EEFSEC: variants seen among roughly 807,000 people sequenced by gnomAD.
EEFSEC encodes the protein eukaryotic elongation factor, selenocysteine-tRNA specific, also known as selenocysteine-specific elongation factor.
A neutral mutation model predicts 42.1 loss-of-function variants in EEFSEC; 43 were observed. That is an observed-to-expected ratio of 1.02 (90% CI 0.80 to 1.32). The LOEUF (loss-of-function observed/expected upper bound fraction) is 1.32. Ranked by LOEUF, EEFSEC falls within the 40% of genes most tolerant of loss-of-function variation. The pLI is 0.00. For missense variants in EEFSEC, 745 were observed against 803.6 expected, an observed-to-expected ratio of 0.93 and a Z score of 0.88; for synonymous variants, 354 against 339.1, an observed-to-expected ratio of 1.04 and a Z score of -0.48.
At chr3:128,310,814 G>GTAGT (rs1302556886) in intron 4 of EEFSEC, among the ~76,000 whole-genome samples, 1 of 152,238 alleles carries the variant, frequency 6.6e-6, no homozygotes, top group Non-Finnish European at 1.5e-5. Context: ...CTGGAGGTCA[G>GTAGT]GCCCCTGTGC....
At chr3:128,230,030 T>C (rs1385788827) in intron 1 of EEFSEC, among the ~76,000 whole-genome samples, 5 of 151,998 alleles carry the variant, frequency 3.3e-5, no homozygotes, top group African/African-American at 4.8e-5. Flanking sequence ...CTTTTTCTTT[T>C]CTTTTCTTTT....
chr3:128,254,890 T>C (rs2066225971), intron 2 of EEFSEC, among the ~76,000 whole-genome samples: 1 of 152,038 alleles, frequency 6.6e-6, no homozygotes, highest in African/African-American at 2.4e-5. Flanking sequence ...GAGAAGAGCC[T>C]GACCCAGAGT....
At chr3:128,420,711 G>A in the EEFSEC span, among the ~76,000 whole-genome samples, 7 of 152,176 alleles carry the variant, frequency 4.6e-5, no homozygotes, top group Admixed American at 3.3e-4. Context: ...GGACAGTACC[G>A]GAGGGGAGAA....
At chr3:128,160,741 C>G (rs1318210807) in intron 1 of EEFSEC, among the ~76,000 whole-genome samples, 2 of 152,140 alleles carry the variant, frequency 1.3e-5, no homozygotes, top group East Asian at 3.9e-4. Flanking sequence ...GATGATATCT[C>G]TGAAGTTTAA....
rs142981012 is a variant in EEFSEC, at chr3:128,287,000, A to G, written c.786+22219A>G. 3.0e-3 allele frequency among the ~76,000 whole-genome samples: 458 copies of G among 152,274 alleles called. 1 individual carries two copies. Among genetic ancestry groups the G allele is most frequent in the Non-Finnish European group, 5.6e-3 (384 of 68,028 alleles). On this transcript the variant is annotated intron_variant, in intron 4 of 6. Coordinates refer to ENST00000254730, the MANE Select transcript of EEFSEC (RefSeq NM_021937.5). The stretch of plus-strand genomic sequence containing the variant: ...ATGATGTTTGGCTCCTGTCACCAGC[A>G]TTCACTCACTTATTTGTTCCATCAC...
intron 6 of EEFSEC, among the ~76,000 whole-genome samples, chr3:128,394,541 A>G (rs1399031931): frequency 6.6e-6 from 1 of 152,160 alleles, no homozygotes; most frequent in Non-Finnish European, 1.5e-5. Flanking sequence ...AATAAGCTCT[A>G]CCTTTTAAAC....
intron 1 of EEFSEC, among the ~76,000 whole-genome samples, chr3:128,159,487 A>G (rs2999047): frequency 0.13 from 20,362 of 152,090 alleles, 1,608 homozygotes; most frequent in Admixed American, 0.2. Flanking sequence ...TCCTTTTACA[A>G]GTGTTCATCA....
At chr3:128,166,814 C>G (rs954144864) in intron 1 of EEFSEC, among the ~76,000 whole-genome samples, 11 of 152,084 alleles carry the variant, frequency 7.2e-5, no homozygotes, top group Non-Finnish European at 1.6e-4. Flanking sequence ...CTTTGCATTT[C>G]CCATCACCAC....
At chr3:128,376,227 A>T (rs993627557) in intron 6 of EEFSEC, among the ~76,000 whole-genome samples, 5 of 152,052 alleles carry the variant, frequency 3.3e-5, no homozygotes, top group African/African-American at 1.2e-4. Flanking sequence ...GGCACCAAGG[A>T]TGCACCCTTT....
At position 128,341,890 on chromosome 3, in the gene EEFSEC, G is replaced by A; in HGVS notation, c.1443+1G>A. ...GCACAAGCATGGCCTTGTGGAGCGG[G>A]TGAGCATGCCCTTGCCTGGCCCCAC... is the stretch of plus-strand genomic sequence containing the variant. On this transcript the variant is annotated splice_donor_variant, in intron 5 of 6. Coordinates refer to ENST00000254730, the MANE Select transcript of EEFSEC (RefSeq NM_021937.5). LOFTEE classifies it high-confidence loss of function. The A allele has an allele frequency of 6.2e-7, 1 of 1,611,260 alleles. No individual in the cohort carries two copies. Among genetic ancestry groups the A allele is most frequent in the Non-Finnish European group, 8.5e-7 (1 of 1,178,634 alleles).
chr3:128,313,749 A>G (rs1465016884), intron 4 of EEFSEC, among the ~76,000 whole-genome samples: 1 of 152,240 alleles, frequency 6.6e-6, no homozygotes, highest in Non-Finnish European at 1.5e-5. Flanking sequence ...ATGTGGACAT[A>G]TATGAATGTA....
At chr3:128,408,851 A>G (rs9681231), downstream of EEFSEC, among the ~76,000 whole-genome samples, 10,537 of 152,262 alleles carry the variant, frequency 0.069, 398 homozygotes, top group Middle Eastern at 0.092. Context: ...CTGGGCCTTC[A>G]GGGAGAATGG....
intron 1 of EEFSEC, among the ~76,000 whole-genome samples, chr3:128,183,926 A>G (rs982012463): frequency 6.6e-6 from 1 of 152,216 alleles, no homozygotes; most frequent in Non-Finnish European, 1.5e-5. Flanking sequence ...CTGTGAAAAC[A>G]TGCTTTTTGC....
intron 4 of EEFSEC, among the ~76,000 whole-genome samples, chr3:128,315,924 A>G (rs59750344): frequency 0.028 from 4,297 of 152,306 alleles, 189 homozygotes; most frequent in African/African-American, 0.094. Context: ...CCACTGTTTC[A>G]TATGTCCTCA....
intron 4 of EEFSEC, among the ~76,000 whole-genome samples, chr3:128,332,482 C>T (rs918219932): frequency 5.3e-5 from 8 of 152,340 alleles, no homozygotes; most frequent in African/African-American, 1.2e-4. Flanking sequence ...GACGGAGTCT[C>T]GCTCTGTCAC....
intron 1 of EEFSEC, among the ~76,000 whole-genome samples, chr3:128,183,685 A>G (rs2065435053): frequency 6.6e-6 from 1 of 152,198 alleles, no homozygotes; most frequent in Admixed American, 6.5e-5. Context: ...AGGGCACCCT[A>G]CATACTAACT....
At chr3:128,205,138 G>A (rs985314793) in intron 1 of EEFSEC, among the ~76,000 whole-genome samples, 1 of 152,146 alleles carries the variant, frequency 6.6e-6, no homozygotes, top group Non-Finnish European at 1.5e-5. Flanking sequence ...GTGAGGATAG[G>A]CACCCTTCCT....
chr3:128,246,797 C>T (rs1289341337), intron 1 of EEFSEC, 39 bp from the exon 2 acceptor site: 1 of 1,607,712 alleles, frequency 6.2e-7, no homozygotes, highest in African/African-American at 1.3e-5. Flanking sequence ...GGGCTCACCA[C>T]CCCTTTTCCC....
At chr3:128,409,735 C>T (rs911647143), downstream of EEFSEC, among the ~76,000 whole-genome samples, 1 of 152,204 alleles carries the variant, frequency 6.6e-6, no homozygotes, top group Non-Finnish European at 1.5e-5. Flanking sequence ...GAGCCGACTC[C>T]CCCTCTACTG....
Sources: allele counts gnomAD v4.1 joint callset (sites outside exome capture counted in the v4.1 genomes callset), GRCh38; gene constraint gnomAD v4.1.1; transcripts MANE v1.5; gene names NCBI Gene and HGNC (gene_info 2026-07-23, HGNC 2026-07-21).